Variants in SUFU observed in about 807,000 individuals in gnomAD.
SUFU encodes the protein SUFU negative regulator of hedgehog signaling.
A neutral mutation model predicts 58.9 loss-of-function variants in SUFU; 7 were observed. That is an observed-to-expected ratio of 0.12 (90% CI 0.07 to 0.22). The LOEUF is 0.22. Among genes scored for constraint, SUFU ranks in the 10% least tolerant of loss-of-function variants. The pLI is 1.00. For missense variants in SUFU, 451 were observed against 641.3 expected, an observed-to-expected ratio of 0.70 and a Z score of 3.20; for synonymous variants, 232 against 254.8, an observed-to-expected ratio of 0.91 and a Z score of 0.85.
intron 8 of SUFU, among the ~76,000 whole-genome samples, chr10:102,613,415 AC>A (rs1302696881): frequency 4.6e-5 from 7 of 152,214 alleles, no homozygotes; most frequent in African/African-American, 1.7e-4. Flanking sequence ...CCTCAGGGGC[AC>A]GTCTAACCCA....
chr10:102,611,879 G>A (rs1423009710), intron 8 of SUFU, among the ~76,000 whole-genome samples: 1 of 152,200 alleles, frequency 6.6e-6, no homozygotes, highest in Non-Finnish European at 1.5e-5. Context: ...GCCCCTGGCA[G>A]TCCCCAGCGG....
chr10:102,555,224 C>T (rs1009027281), intron 3 of SUFU, among the ~76,000 whole-genome samples: 2 of 136,228 alleles, frequency 1.5e-5, no homozygotes, highest in Admixed American at 8.2e-5. Flanking sequence ...GCTGAGACTG[C>T]GCCACTGCAC....
intron 2 of SUFU, among the ~76,000 whole-genome samples, chr10:102,517,489 T>C (rs2062486018): frequency 6.6e-6 from 1 of 152,142 alleles, no homozygotes; most frequent in Admixed American, 6.5e-5. Context: ...CAGCCCACCC[T>C]TTTGGGCTCT....
At chr10:102,574,225 A>C (rs1168430897) in intron 3 of SUFU, among the ~76,000 whole-genome samples, 4 of 152,156 alleles carry the variant, frequency 2.6e-5, no homozygotes, top group African/African-American at 9.7e-5. Flanking sequence ...AAACAAGTGA[A>C]ATTCACAGCA....
intron 2 of SUFU, among the ~76,000 whole-genome samples, chr10:102,544,769 C>G (rs1381905240): frequency 2.6e-5 from 4 of 152,144 alleles, no homozygotes; most frequent in Non-Finnish European, 5.9e-5. Context: ...GCAGTCACTC[C>G]CCATTCTGTC....
At chr10:102,614,409 T>A (rs1174401115) in intron 8 of SUFU, among the ~76,000 whole-genome samples, 25 of 142,266 alleles carry the variant, frequency 1.8e-4, no homozygotes. Flanking sequence ...TACAAAAAAA[T>A]TAGCTGGACA....
At position 102,592,569 on chromosome 10, in the gene SUFU, A is replaced by G. The variant is rs1242692528; in HGVS notation, c.455-13A>G. 5.0e-6 allele frequency: 8 copies of G among 1,613,800 alleles called. No individual in the cohort carries two copies. The highest frequency in any genetic ancestry group is 4.0e-5 in the African/African-American group (3 of 74,902). ...GGCCTTGAACAATGAGGATCCTTGT[A>G]TCTCTCCCACAGAGAACACCTTCTG... On this transcript the variant is annotated splice_polypyrimidine_tract_variant and intron_variant, in intron 3 of 11. Transcript: ENST00000369902.
chr10:102,592,799 G>T, intron 4 of SUFU, 75 bp downstream of exon 4: 1 of 1,552,044 alleles, frequency 6.4e-7, no homozygotes, highest in South Asian at 1.1e-5. Flanking sequence ...GCTTGAGGAG[G>T]GGGAGTGAAG....
At chr10:102,532,743 C>T (rs1291726670) in intron 2 of SUFU, among the ~76,000 whole-genome samples, 1 of 152,104 alleles carries the variant, frequency 6.6e-6, no homozygotes, top group Non-Finnish European at 1.5e-5. Flanking sequence ...AGTGTGTCCA[C>T]AGATCTGCCA....
chr10:102,555,448 T>C (rs941092388), intron 3 of SUFU, among the ~76,000 whole-genome samples: 5 of 151,874 alleles, frequency 3.3e-5, no homozygotes, highest in African/African-American at 7.3e-5. Context: ...AGGCATTATC[T>C]TACTCACACG....
intron 3 of SUFU, among the ~76,000 whole-genome samples, chr10:102,574,521 G>A (rs538957947): frequency 2.1e-4 from 32 of 152,274 alleles, no homozygotes; most frequent in Non-Finnish European, 3.4e-4. Context: ...GCTAAGACGA[G>A]AGGATTGCTT....
At chr10:102,568,933 T>TAAAC (rs1564685739) in intron 3 of SUFU, among the ~76,000 whole-genome samples, 1 of 35,062 alleles carries the variant, frequency 2.9e-5, no homozygotes, top group Non-Finnish European at 5.5e-5. Context: ...CATATATATA[T>TAAAC]ATATATATAT....
chr10:102,564,738 ACT>A (rs917430141), intron 3 of SUFU, among the ~76,000 whole-genome samples: 1 of 150,126 alleles, frequency 6.7e-6, no homozygotes, highest in African/African-American at 2.5e-5. Context: ...TCTCCCTCAC[ACT>A]CTTTTTAATT....
At position 102,612,538 on chromosome 10, in the gene SUFU, A is replaced by G. The variant is rs936573159; in HGVS notation, c.1023-2730A>G. Among the ~76,000 whole-genome samples the G allele has an allele frequency of 5.9e-5, 9 of 152,220 alleles. No individual in the cohort carries two copies. The South Asian group carries it at 1.0e-3, about 18-fold the overall frequency. Reference sequence around the variant, plus strand: ...ACAATTTATTTTTCCCTCCAGCTTGAGACGTCTCTAGCCCTGTGTGCTGTT... The same window carrying G: ...ACAATTTATTTTTCCCTCCAGCTTGGGACGTCTCTAGCCCTGTGTGCTGTT... On this transcript the variant is annotated intron_variant, in intron 8 of 11. Coordinates refer to ENST00000369902, the MANE Select transcript of SUFU (RefSeq NM_016169.4).
chr10:102,557,576 C>T (rs917284963), intron 3 of SUFU, among the ~76,000 whole-genome samples: 5 of 152,126 alleles, frequency 3.3e-5, no homozygotes, highest in African/African-American at 9.7e-5. Context: ...CATGATCACA[C>T]AACTGGACAC....
rs1050937480 is a variant in SUFU, at chr10:102,587,564, T to C, written c.455-5018T>C. On this transcript the variant is annotated intron_variant, in intron 3 of 11. Coordinates refer to ENST00000369902, the MANE Select transcript of SUFU (RefSeq NM_016169.4). ...TGGAGTGCAGTAGCGTGATCTCGGC[T>C]CACTGCAACCTCCTCCTCCCGGGTT... 1.3e-4 allele frequency among the ~76,000 whole-genome samples: 20 copies of C among 152,230 alleles called. 1 individual carries two copies. Among genetic ancestry groups the C allele is most frequent in the Admixed American group, 6.5e-5 (1 of 15,280 alleles).
rs1288544062 is a variant in SUFU, at chr10:102,568,947, T to TACAC, written c.454+18842_454+18843insCACA. On this transcript the variant is annotated intron_variant, in intron 3 of 11. Transcript: ENST00000369902. ...ACATATATATATATATATATATATA[T>TACAC]ATATATATATATATATCTATAGCAG... Among the ~76,000 whole-genome samples the TACAC allele has an allele frequency of 9.8e-4, 81 of 82,534 alleles. 8 individuals are homozygous for TACAC. In the East Asian group the frequency reaches 0.04, roughly 41 times the overall value. 54.1% of individuals were successfully genotyped at this position (82,534 alleles called of 152,430 possible). A position where few individuals can be genotyped will look rare whatever the true frequency, so the allele number is the denominator to read the frequency against.
rs182534566 is a variant in SUFU, at chr10:102,622,956, A to C, written c.1297-4219A>C. ...CGGTGAGTTGAGATCGTGCCATTGCACTCCAGCCTGGAAAACAAGAGCAAA... is the reference window on the plus strand; with the variant it reads ...CGGTGAGTTGAGATCGTGCCATTGCCCTCCAGCCTGGAAAACAAGAGCAAA... On this transcript the variant is annotated intron_variant, in intron 10 of 11. Coordinates refer to ENST00000369902, the MANE Select transcript of SUFU (RefSeq NM_016169.4). Among the ~76,000 whole-genome samples the C allele has an allele frequency of 3.6e-5, 5 of 138,576 alleles. No homozygotes were observed. In the East Asian group the frequency reaches 8.6e-4, roughly 24 times the overall value. 90.9% of individuals were successfully genotyped at this position (138,576 alleles called of 152,430 possible). A position where few individuals can be genotyped will look rare whatever the true frequency, so the allele number is the denominator to read the frequency against.
chr10:102,577,241 G>A (rs1590047005), intron 3 of SUFU, among the ~76,000 whole-genome samples: 1 of 151,910 alleles, frequency 6.6e-6, no homozygotes, highest in East Asian at 1.9e-4. Context: ...CCACTAACAC[G>A]CCAAGCTAAT....
Sources: gnomAD v4.1 joint callset for allele counts (sites outside exome capture counted in the v4.1 genomes callset) on GRCh38, gnomAD v4.1.1 for gene constraint, MANE v1.5 for transcripts, NCBI Gene and HGNC (gene_info 2026-07-23, HGNC 2026-07-21) for gene names.